RPRD1B: variants seen among roughly 807,000 people sequenced by gnomAD.
The protein encoded by RPRD1B is regulation of nuclear pre-mRNA domain containing 1B, also known as regulation of nuclear pre-mRNA domain-containing protein 1B.
Under a neutral mutation model 41.5 loss-of-function variants are expected in RPRD1B, and 11 were observed. The ratio of observed to expected loss-of-function variants is 0.27; its 90% CI spans 0.17 to 0.44. RPRD1B has a LOEUF of 0.44. Among genes scored for constraint, RPRD1B ranks in the 20% least tolerant of loss-of-function variants. RPRD1B has a pLI of 1.00. For missense variants in RPRD1B, 248 were observed against 389.9 expected, an observed-to-expected ratio of 0.64 and a Z score of 3.06; for synonymous variants, 158 against 155.6, an observed-to-expected ratio of 1.02 and a Z score of -0.12.
rs192435015 is a variant in RPRD1B at position 38,068,739 on chromosome 20, A to G, written c.831+2483A>G. On this transcript the variant is annotated intron_variant, in intron 6 of 6. Coordinates refer to ENST00000373433, the MANE Select transcript of RPRD1B (RefSeq NM_021215.4). The stretch of plus-strand genomic sequence containing the variant: ...GGCAGTCTGCTCTCCTGAACCTAAG[A>G]TTTTTCTCTCACATTCTGTAATAGA... Among the ~76,000 whole-genome samples the G allele has an allele frequency of 1.4e-4, 21 of 152,136 alleles. No homozygotes were observed. The East Asian group carries it at 3.9e-3, about 28-fold the overall frequency.
intron 6 of RPRD1B, among the ~76,000 whole-genome samples, chr20:38,087,152 G>A (rs1446712140): frequency 1.3e-5 from 2 of 151,940 alleles, no homozygotes; most frequent in Non-Finnish European, 2.9e-5. Flanking sequence ...TAGAGATGGA[G>A]TTGCACCATG....
chr20:38,079,453 CTTCT>C (rs908724058), intron 6 of RPRD1B, among the ~76,000 whole-genome samples: 3 of 152,220 alleles, frequency 2.0e-5, no homozygotes, highest in South Asian at 4.1e-4. Flanking sequence ...TTATTTTTCC[CTTCT>C]TTGAGTTCAT....
intron 6 of RPRD1B, among the ~76,000 whole-genome samples, chr20:38,074,743 T>C (rs1458754371): frequency 6.6e-6 from 1 of 152,132 alleles, no homozygotes; most frequent in African/African-American, 2.4e-5. Flanking sequence ...GTACTCAGGG[T>C]TTTTGTTTTT....
rs115208381 is a variant in RPRD1B at position 38,061,857 on chromosome 20, C to T, written c.655+2337C>T. Among the ~76,000 whole-genome samples, 810 of 152,238 alleles carry T rather than the reference C, an allele frequency of 5.3e-3. 7 individuals are homozygous for T. The highest frequency in any genetic ancestry group is 0.019 in the African/African-American group (771 of 41,526). ...TGGTGTAGTAGTTGGAATAATGCCT[C>T]CTGACCCCCCACCCCGCAAACACCC... On this transcript the variant is annotated intron_variant, in intron 5 of 6. Coordinates refer to ENST00000373433, the MANE Select transcript of RPRD1B (RefSeq NM_021215.4).
At chr20:38,056,483 AGAGAACAG>A (rs1295729840) in intron 3 of RPRD1B, among the ~76,000 whole-genome samples, 1 of 152,258 alleles carries the variant, frequency 6.6e-6, no homozygotes, top group African/African-American at 2.4e-5. Flanking sequence ...TATATAATGT[AGAGAACAG>A]GAGCTACGTG....
intron 3 of RPRD1B, among the ~76,000 whole-genome samples, chr20:38,053,081 A>C (rs935956099): frequency 1.3e-5 from 2 of 152,090 alleles, no homozygotes. Context: ...GGCTACCCCC[A>C]CAGTTTGTCC....
At position 38,072,875 on chromosome 20, in the gene RPRD1B, A is replaced by G. The variant is rs79685704; in HGVS notation, c.831+6619A>G. ...AATGGAGTCACCAGGGCACAGTCAC[A>G]ACAGCAGCTTTACAAAGTAAAGTGA... is the stretch of plus-strand genomic sequence containing the variant. On this transcript the variant is annotated intron_variant, in intron 6 of 6. Coordinates refer to ENST00000373433, the MANE Select transcript of RPRD1B (RefSeq NM_021215.4). Among the ~76,000 whole-genome samples, 472 of 152,330 alleles carry G rather than the reference A, an allele frequency of 3.1e-3. 1 individual carries two copies. Among genetic ancestry groups the G allele is most frequent in the African/African-American group, 0.011 (446 of 41,568 alleles).
intron 1 of RPRD1B, among the ~76,000 whole-genome samples, chr20:38,036,932 T>TA (rs573942193): frequency 5.5e-4 from 83 of 152,242 alleles, no homozygotes; most frequent in African/African-American, 1.7e-3. Context: ...AGTGCAGAGT[T>TA]AAAAAAAGAT....
intron 1 of RPRD1B, among the ~76,000 whole-genome samples, chr20:38,035,571 T>C (rs1352352208): frequency 6.6e-6 from 1 of 152,158 alleles, no homozygotes; most frequent in African/African-American, 2.4e-5. Flanking sequence ...TGTACTGAGA[T>C]AGGGATCCCC....
chr20:38,049,921 C>T (rs552033305), intron 3 of RPRD1B: 14 of 455,654 alleles, frequency 3.1e-5, no homozygotes, highest in South Asian at 8.0e-5. Context: ...ACTGAATTGC[C>T]GACAGTTTAC....
chr20:38,082,151 A>G (rs1222074152), intron 6 of RPRD1B, among the ~76,000 whole-genome samples: 1 of 152,002 alleles, frequency 6.6e-6, no homozygotes, highest in Admixed American at 6.5e-5. Flanking sequence ...TCTTCTTTAT[A>G]TGTCTGGTAG....
rs567330517 is a variant in RPRD1B, at chr20:38,033,803, C to T, written c.-145C>T. On this transcript the variant is annotated 5_prime_UTR_variant, in exon 1 of 7. Coordinates refer to ENST00000373433, the MANE Select transcript of RPRD1B (RefSeq NM_021215.4). ...CGGCTGTTACTGCGGAGACCCATCC[C>T]CTCCCCCTTCTCGCACCCCTGGCAG... 6.2e-4 allele frequency: 479 copies of T among 774,150 alleles called. 2 individuals are homozygous for T. Among genetic ancestry groups the T allele is most frequent in the Middle Eastern group, 1.2e-3 (3 of 2,580 alleles). The allele number at this position is 774,150 out of a possible 1,614,324, so 48.0% of individuals were successfully genotyped here.
In RPRD1B at chr20:38,084,449, G is replaced by A. The variant is rs139492841; in HGVS notation, c.832-5277G>A. Among the ~76,000 whole-genome samples, 469 of 152,214 alleles carry A rather than the reference G, an allele frequency of 3.1e-3. 1 individual carries two copies. Among genetic ancestry groups the A allele is most frequent in the African/African-American group, 0.011 (450 of 41,520 alleles). ...GTTTAATAATGTTTACATTTTGATCGTTGTTTCTTAGATGTGTTGCTAGAG... is the reference window on the plus strand; with the variant it reads ...GTTTAATAATGTTTACATTTTGATCATTGTTTCTTAGATGTGTTGCTAGAG... On this transcript the variant is annotated intron_variant, in intron 6 of 6. Coordinates refer to ENST00000373433, the MANE Select transcript of RPRD1B (RefSeq NM_021215.4).
intron 5 of RPRD1B, among the ~76,000 whole-genome samples, chr20:38,063,938 T>TA (rs1490126742): frequency 1.8e-4 from 28 of 152,270 alleles, no homozygotes; most frequent in Non-Finnish European, 4.1e-4. Flanking sequence ...ATTTCCTTTG[T>TA]AAAAGTTCTT....
At position 38,091,380 on chromosome 20, in the gene RPRD1B, C is replaced by T. The variant is rs879712080; in HGVS notation, c.*1505C>T. On this transcript the variant is annotated 3_prime_UTR_variant, in exon 7 of 7. Coordinates refer to ENST00000373433, the MANE Select transcript of RPRD1B (RefSeq NM_021215.4). ...GGCTTCCCTTCCAGAAGCTCTCCTG[C>T]TTGTCATGAAGTGAGAACAATGAAA... is the stretch of plus-strand genomic sequence containing the variant. 1.3e-5 allele frequency: 13 copies of T among 985,400 alleles called. No individual in the cohort carries two copies. The highest frequency in any genetic ancestry group is 1.6e-5 in the Non-Finnish European group (13 of 829,890). 61.0% of individuals were successfully genotyped at this position (985,400 alleles called of 1,614,324 possible).
chr20:38,075,989 A>G (rs563402711), intron 6 of RPRD1B, among the ~76,000 whole-genome samples: 18 of 152,326 alleles, frequency 1.2e-4, no homozygotes, highest in Admixed American at 9.2e-4. Context: ...CAAGCACAAT[A>G]ACTTCGCAAA....
chr20:38,084,291 G>A (rs1017287580), intron 6 of RPRD1B, among the ~76,000 whole-genome samples: 6 of 152,096 alleles, frequency 3.9e-5, no homozygotes, highest in Non-Finnish European at 8.8e-5. Flanking sequence ...CTTCGTGCAC[G>A]ATAACCCTTT....
Position 38,076,603 on chromosome 20 carries a change from G to A in RPRD1B, c.831+10347G>A, listed in dbSNP as rs140195039. Among the ~76,000 whole-genome samples the A allele has an allele frequency of 4.6e-3, 702 of 152,166 alleles. 4 individuals carry two copies. Among genetic ancestry groups the A allele is most frequent in the African/African-American group, 0.016 (646 of 41,508 alleles). On this transcript the variant is annotated intron_variant, in intron 6 of 6. Transcript: ENST00000373433. ...CTGCTTCTCAGCCTGTTGCAGCTTG[G>A]CATGCATGTCTACATTCCACCCAAG... is the stretch of plus-strand genomic sequence containing the variant.
chr20:38,057,733 C>G (rs529790887), intron 4 of RPRD1B, 89 bp downstream of exon 4: 1 of 922,084 alleles, frequency 1.1e-6, no homozygotes, highest in Non-Finnish European at 1.8e-6. Context: ...CCAGTGACCA[C>G]TGGTATGGAA....
Sources: gnomAD v4.1 joint callset for allele counts (sites outside exome capture counted in the v4.1 genomes callset) on GRCh38, gnomAD v4.1.1 for gene constraint, MANE v1.5 for transcripts, NCBI Gene and HGNC (gene_info 2026-07-23, HGNC 2026-07-21) for gene names.